The following SCN1A variants were observed in gnomAD, a reference collection of about 807,000 sequenced individuals.
SCN1A encodes the protein sodium voltage-gated channel alpha subunit 1, also known as sodium channel protein type 1 subunit alpha.
In SCN1A, 13 loss-of-function variants were observed where a neutral mutation model predicts 193.7. The ratio of observed to expected loss-of-function variants is 0.07; its 90% CI spans 0.04 to 0.11. The LOEUF is 0.11. Among genes scored for constraint, SCN1A ranks in the 10% least tolerant of loss-of-function variants. The pLI, the probability that SCN1A is intolerant of heterozygous loss-of-function variation, is 1.00. For synonymous variants in SCN1A, 781 were observed against 843.6 expected, an observed-to-expected ratio of 0.93 and a Z score of 1.29; for missense variants, 1,432 against 2,451.1, an observed-to-expected ratio of 0.58 and a Z score of 8.78.
In SCN1A at chr2:165,994,309, A is replaced by T; in HGVS notation, c.4689T>A (p.Asp1563Glu). The T allele has an allele frequency of 6.2e-7, 1 of 1,613,224 alleles. No individual in the cohort carries two copies. ...LNMVTMMVET[D>E]DQSEYVTTIL... ...TGGTAGTCACATATTCACTCTGGTC[A>T]TCTGTTTCCACCATCATTGTGACCA... Residue 1563 changes from aspartate to glutamate, a missense_variant, in exon 28 of 29, where the codon GAT (aspartate) becomes GAA (glutamate). Physicochemically the swap from Asp to Glu is conservative, Grantham distance 45. This residue lies in a region of SCN1A where 85 missense variants were observed against 119.1 expected (regional missense o/e 0.71). Coordinates refer to ENST00000674923, the MANE Select transcript of SCN1A (RefSeq NM_001165963.4).
At chr2:166,058,056 T>C (rs1699300954) in intron 5 of SCN1A, among the ~76,000 whole-genome samples, 2 of 152,100 alleles carry the variant, frequency 1.3e-5, no homozygotes, top group South Asian at 4.1e-4. Flanking sequence ...ACAAAAATCA[T>C]CAGGAAATTT....
In SCN1A at chr2:165,991,302, C is replaced by T. The variant is rs1573940211; in HGVS notation, c.5973G>A (p.Lys1991=). The change falls in exon 29 of 29, where the codon AAG becomes AAA. Residue 1991 remains lysine, a synonymous_variant. Transcript: ENST00000674923. ...ACPPSYDRVT[K]PIVEKHEQEG... is the part of the protein sequence containing the mutation. ...CTTGCTCATGTTTTTCCACAATTGG[C>T]TTTGTCACCCGGTCATAGGAAGGTG... The T allele has an allele frequency of 6.2e-7, 1 of 1,613,480 alleles. No individual in the cohort carries two copies. The highest frequency in any genetic ancestry group is 8.5e-7 in the Non-Finnish European group (1 of 1,179,830).
chr2:165,996,981 C>T (rs1356270252), intron 26 of SCN1A, among the ~76,000 whole-genome samples: 1 of 151,204 alleles, frequency 6.6e-6, no homozygotes, highest in Non-Finnish European at 1.5e-5. Flanking sequence ...CAGTTTTCAC[C>T]TATTAAATAT....
intron 19 of SCN1A, 63 bp from the exon 20 acceptor site, chr2:166,015,790 G>A (rs909413583): frequency 6.3e-7 from 1 of 1,576,724 alleles, no homozygotes; most frequent in Non-Finnish European, 8.7e-7. Context: ...TGCCTGCCAA[G>A]AAAGGATTAT....
rs1241646448 is a variant in SCN1A, at chr2:165,989,469, C to G, written c.*1776G>C. On this transcript the variant is annotated 3_prime_UTR_variant, in exon 29 of 29. Coordinates refer to ENST00000674923, the MANE Select transcript of SCN1A (RefSeq NM_001165963.4). The stretch of plus-strand genomic sequence containing the variant: ...ATAAACCGAAGTCAGAAAAAAAGAA[C>G]AAAAATAACATAAGCACTACCTTCA... 6.6e-6 allele frequency: 1 copy of G among 152,114 alleles called. No individual in the cohort carries two copies. The highest frequency in any genetic ancestry group is 1.5e-5 in the Non-Finnish European group (1 of 67,992). 9.4% of individuals were successfully genotyped at this position (152,114 alleles called of 1,614,324 possible). A position where few individuals can be genotyped will look rare whatever the true frequency, so the allele number is the denominator to read the frequency against.
At chr2:166,001,554 A>T (rs1380110164) in intron 24 of SCN1A, among the ~76,000 whole-genome samples, 1 of 151,688 alleles carries the variant, frequency 6.6e-6, no homozygotes, top group East Asian at 1.9e-4. Context: ...CTGTAGAACC[A>T]CAAGGGAAGA....
At position 165,987,166 on chromosome 2, in the gene SCN1A, T is replaced by C. The variant is rs1688663018; in HGVS notation, c.*4079A>G. 1 of 152,116 alleles carries C rather than the reference T, an allele frequency of 6.6e-6. No homozygotes were observed. The highest frequency in any genetic ancestry group is 6.6e-5 in the Admixed American group (1 of 15,256). The allele number at this position is 152,116 out of a possible 1,614,324, so 9.4% of individuals were successfully genotyped here. On this transcript the variant is annotated 3_prime_UTR_variant, in exon 29 of 29. Coordinates refer to ENST00000674923, the MANE Select transcript of SCN1A (RefSeq NM_001165963.4). ...ACTTATTTTATAGAGTGTCCTCAAT[T>C]TGATTTTCCTTGTAGTTAGATTCTG...
intron 4 of SCN1A, among the ~76,000 whole-genome samples, chr2:166,059,974 A>C (rs1683117785): frequency 6.6e-6 from 1 of 152,194 alleles, no homozygotes; most frequent in African/African-American, 2.4e-5. Flanking sequence ...TTAAGTATAG[A>C]TATGGAGAGT....
At chr2:166,019,444 T>C (rs933749208) in intron 19 of SCN1A, among the ~76,000 whole-genome samples, 2 of 152,104 alleles carry the variant, frequency 1.3e-5, no homozygotes, top group African/African-American at 2.4e-5. Flanking sequence ...AAGTAATGAC[T>C]TTTTAAACAA....
chr2:166,078,390 C>T (rs1463891155), intron 2 of SCN1A, among the ~76,000 whole-genome samples: 1 of 146,734 alleles, frequency 6.8e-6, no homozygotes, highest in Non-Finnish European at 1.5e-5. Context: ...AATTTTCTTC[C>T]ATTGTATTTT....
chr2:166,116,835 A>G lies in SCN1A; in HGVS notation c.-142+10089T>C, dbSNP rs575649027. Among the ~76,000 whole-genome samples, 11 of 152,308 alleles carry G rather than the reference A, an allele frequency of 7.2e-5. No individual in the cohort carries two copies. The East Asian group carries it at 2.1e-3, about 29-fold the overall frequency. ...TTTATAAATTATAATCATAAATCAC[A>G]TGTCAACAAAATAAATTTCAAGTGA... On this transcript the variant is annotated intron_variant, in intron 2 of 28. Transcript: ENST00000674923.
chr2:166,052,091 A>C, intron 8 of SCN1A, 103 bp from the exon 9 acceptor site: 1 of 1,116,454 alleles, frequency 9.0e-7, no homozygotes, highest in Non-Finnish European at 1.3e-6. Context: ...TAAATCCAAG[A>C]ATGTTTGCAA....
intron 19 of SCN1A, among the ~76,000 whole-genome samples, chr2:166,023,451 C>G (rs373535896): frequency 6.6e-6 from 1 of 152,152 alleles, no homozygotes; most frequent in Non-Finnish European, 1.5e-5. Flanking sequence ...TTCCTTTAGC[C>G]CATTTTTTAA....
intron 19 of SCN1A, among the ~76,000 whole-genome samples, chr2:166,022,997 A>G (rs1180738653): frequency 6.6e-6 from 1 of 152,218 alleles, no homozygotes; most frequent in African/African-American, 2.4e-5. Context: ...TTTGGCAAAA[A>G]GCACACAATA....
chr2:166,144,287 T>C (rs995200592), intron 1 of SCN1A, among the ~76,000 whole-genome samples: 3 of 152,226 alleles, frequency 2.0e-5, no homozygotes, highest in Admixed American at 6.5e-5. Flanking sequence ...TCTGTTGCTA[T>C]GTTCTGCATT....
At chr2:166,119,379 T>C (rs527514402) in intron 2 of SCN1A, among the ~76,000 whole-genome samples, 17 of 152,296 alleles carry the variant, frequency 1.1e-4, no homozygotes, top group African/African-American at 4.1e-4. Context: ...TTTGATAATC[T>C]AGTAACTTCA....
In SCN1A at chr2:166,140,209, G is replaced by A. The variant is rs75214940; in HGVS notation, c.-50+8838C>T. Among the ~76,000 whole-genome samples, 854 of 152,122 alleles carry A rather than the reference G, an allele frequency of 5.6e-3. 12 individuals are homozygous for A. The highest frequency in any genetic ancestry group is 0.02 in the African/African-American group (821 of 41,500). Reference sequence around the variant, plus strand: ...CCAAAGTACCTAATCTTACCATAAGGCCATACTAAAACTCTCCACAATATC... The same window carrying A: ...CCAAAGTACCTAATCTTACCATAAGACCATACTAAAACTCTCCACAATATC... On this transcript the variant is annotated intron_variant, in intron 1 of 26. Coordinates refer to the SCN1A transcript ENST00000635750.
intron 21 of SCN1A, among the ~76,000 whole-genome samples, chr2:166,012,736 T>C (rs1380493064): frequency 6.7e-6 from 1 of 150,310 alleles, no homozygotes; most frequent in East Asian, 2.0e-4. Flanking sequence ...AATAGTTGGG[T>C]TCATCTGCTT....
intron 12 of SCN1A, among the ~76,000 whole-genome samples, chr2:166,046,323 T>C (rs867856980): frequency 6.6e-6 from 1 of 152,172 alleles, no homozygotes; most frequent in Non-Finnish European, 1.5e-5. Context: ...TTTGATCACT[T>C]CCTTATAAAG....
Sources: allele counts gnomAD v4.1 joint callset (sites outside exome capture counted in the v4.1 genomes callset), GRCh38; gene constraint gnomAD v4.1.1; regional missense constraint gnomAD v4.1.1; transcripts MANE v1.5; gene names NCBI Gene and HGNC (gene_info 2026-07-23, HGNC 2026-07-21).